The following NCOA2 variants were observed in gnomAD, a reference collection of about 807,000 sequenced individuals.
The protein encoded by NCOA2 is class E basic helix-loop-helix protein 75.
Under a neutral mutation model 145.1 loss-of-function variants are expected in NCOA2, and 21 were observed. The observed-to-expected ratio is 0.14, with a 90% CI of 0.10 to 0.21. NCOA2 has a LOEUF of 0.21. NCOA2 is among the 10% of genes least tolerant of loss of function. The pLI, the probability that NCOA2 is intolerant of heterozygous loss-of-function variation, is 1.00. For synonymous variants in NCOA2, 619 were observed against 637.5 expected, an observed-to-expected ratio of 0.97 and a Z score of 0.44; for missense variants, 1,472 against 1,837.6, an observed-to-expected ratio of 0.80 and a Z score of 3.64.
chr8:70,160,455 T>C (rs765299436), intron 9 of NCOA2, among the ~76,000 whole-genome samples: 25 of 152,204 alleles, frequency 1.6e-4, no homozygotes, highest in Non-Finnish European at 3.5e-4. Flanking sequence ...CTATGTTTTA[T>C]AACTGTCTTA....
chr8:70,121,536 C>G, intron 21 of NCOA2, 145 bp from the exon 22 acceptor site: 1 of 621,508 alleles, frequency 1.6e-6, no homozygotes, highest in Non-Finnish European at 2.9e-6. Context: ...TCATCCTACA[C>G]AAGCTCTCCC....
At chr8:70,166,843 T>A (rs1813671715) in intron 6 of NCOA2, 89 bp from the exon 7 acceptor site, 1 of 1,213,992 alleles carries the variant, frequency 8.2e-7, no homozygotes, top group East Asian at 2.3e-5. Context: ...AGGAAAAATA[T>A]GATTATTTCA....
At chr8:70,114,815 A>G (rs1806902599) in intron 22 of NCOA2, among the ~76,000 whole-genome samples, 2 of 152,192 alleles carry the variant, frequency 1.3e-5, no homozygotes, top group African/African-American at 4.8e-5. Context: ...AGCTCCAAAT[A>G]ATCTATTTTA....
intron 1 of NCOA2, among the ~76,000 whole-genome samples, chr8:70,337,200 A>AGTGTGTGTGTGTGTGT (rs72265721): frequency 2.1e-4 from 31 of 146,330 alleles, no homozygotes; most frequent in African/African-American, 7.7e-4. Context: ...ACTGCTGAGG[A>AGTGTGTGTGTGTGTGT]GTGTGTGTGT....
At chr8:70,266,299 A>AG (rs1163508906) in intron 2 of NCOA2, among the ~76,000 whole-genome samples, 2 of 152,206 alleles carry the variant, frequency 1.3e-5, no homozygotes, top group Admixed American at 1.3e-4. Flanking sequence ...AGTAGGCGGG[A>AG]CTACAGGTGC....
chr8:70,341,754 G>A (rs1216996476), intron 1 of NCOA2, among the ~76,000 whole-genome samples: 1 of 152,062 alleles, frequency 6.6e-6, no homozygotes, highest in African/African-American at 2.4e-5. Flanking sequence ...AAATATAACG[G>A]ATAAGCTATA....
At chr8:70,231,049 T>G (rs1470636704) in intron 2 of NCOA2, among the ~76,000 whole-genome samples, 2 of 152,244 alleles carry the variant, frequency 1.3e-5, no homozygotes, top group Non-Finnish European at 2.9e-5. Flanking sequence ...TGATCCACAT[T>G]TCTGATTATA....
chr8:70,439,556 T>C, the NCOA2 span, among the ~76,000 whole-genome samples: 4 of 152,224 alleles, frequency 2.6e-5, no homozygotes, highest in African/African-American at 9.7e-5. Flanking sequence ...CTATGTGCTA[T>C]GAGTAGAACG....
At chr8:70,397,461 G>GAAAAAAA (rs11347613) in intron 1 of NCOA2, among the ~76,000 whole-genome samples, 1 of 107,046 alleles carries the variant, frequency 9.3e-6, no homozygotes, top group Non-Finnish European at 2.1e-5. Flanking sequence ...TCAAAAAAAG[G>GAAAAAAA]AAAAAAAAAA....
chr8:70,304,593 G>A (rs1390922786), intron 1 of NCOA2, among the ~76,000 whole-genome samples: 2 of 151,920 alleles, frequency 1.3e-5, no homozygotes, highest in East Asian at 1.9e-4. Context: ...AGCCTCCTGA[G>A]TGGCTAGGAT....
At chr8:70,117,689 G>C (rs1288733694) in intron 22 of NCOA2, among the ~76,000 whole-genome samples, 2 of 152,218 alleles carry the variant, frequency 1.3e-5, no homozygotes, top group Non-Finnish European at 2.9e-5. Context: ...CAGGGGTTAA[G>C]AATGCATATT....
the NCOA2 span, among the ~76,000 whole-genome samples, chr8:70,452,231 C>T: frequency 6.6e-6 from 1 of 152,092 alleles, no homozygotes; most frequent in South Asian, 2.1e-4. Flanking sequence ...CCACCTTGGC[C>T]CCCAAAGTGC....
At position 70,112,398 on chromosome 8, in the gene NCOA2, T is replaced by C. The variant is rs973136282; in HGVS notation, c.*1234A>G. 15 of 193,342 alleles carry C rather than the reference T, an allele frequency of 7.8e-5. No individual in the cohort carries two copies. The highest frequency in any genetic ancestry group is 1.7e-3 in the Middle Eastern group (1 of 576). 12.0% of individuals were successfully genotyped at this position (193,342 alleles called of 1,614,324 possible). ...ACTTAAATTATTGCTTGTTTACATATAAATTGGATTTTATGTACCTTACAA... is the reference window on the plus strand; with the variant it reads ...ACTTAAATTATTGCTTGTTTACATACAAATTGGATTTTATGTACCTTACAA... On this transcript the variant is annotated 3_prime_UTR_variant, in exon 23 of 23. Transcript: ENST00000452400.
Position 70,121,485 on chromosome 8 carries a change from G to C in NCOA2, c.4294-94C>G, listed in dbSNP as rs1383745380. The C allele has an allele frequency of 2.3e-5, 21 of 929,758 alleles. No homozygotes were observed. The Admixed American group carries it at 3.3e-4, about 15-fold the overall frequency. 57.6% of individuals were successfully genotyped at this position (929,758 alleles called of 1,614,324 possible). On this transcript the variant is annotated intron_variant, in intron 21 of 22. Transcript: ENST00000452400. ...GGCCGCCGCCCTTCCTCTGTTTTTA[G>C]GGGTGTAAAAACGGGGAAAAGGAAC...
At chr8:70,183,906 A>C (rs1486134361) in intron 4 of NCOA2, among the ~76,000 whole-genome samples, 3 of 152,306 alleles carry the variant, frequency 2.0e-5, no homozygotes, top group South Asian at 4.1e-4. Context: ...GTTAATACTG[A>C]ACACAGTATT....
intron 4 of NCOA2, among the ~76,000 whole-genome samples, chr8:70,212,398 G>A (rs1239402413): frequency 6.6e-6 from 1 of 152,160 alleles, no homozygotes; most frequent in Admixed American, 6.5e-5. Flanking sequence ...AAAGACGAGT[G>A]ATGAAGGGGA....
chr8:70,174,696 T>C, intron 5 of NCOA2, 60 bp downstream of exon 5: 1 of 1,414,052 alleles, frequency 7.1e-7, no homozygotes, highest in Non-Finnish European at 1.0e-6. Context: ...TGAAATTAAA[T>C]GTAATAATGT....
At chr8:70,140,271 G>A (rs2131794344) in intron 14 of NCOA2, among the ~76,000 whole-genome samples, 1 of 152,168 alleles carries the variant, frequency 6.6e-6, no homozygotes, top group East Asian at 1.9e-4. Flanking sequence ...TCCTACCTGA[G>A]CCCCTCCCCA....
chr8:70,418,483 C>T, the NCOA2 span, among the ~76,000 whole-genome samples: 4 of 152,190 alleles, frequency 2.6e-5, no homozygotes, highest in African/African-American at 9.7e-5. Flanking sequence ...TGTCATCATT[C>T]AGCAAACTCA....
Sources: gnomAD v4.1 joint callset for allele counts (sites outside exome capture counted in the v4.1 genomes callset) on GRCh38, gnomAD v4.1.1 for gene constraint, MANE v1.5 for transcripts, NCBI Gene and HGNC (gene_info 2026-07-23, HGNC 2026-07-21) for gene names.